CDK5RAP1: variants seen among roughly 807,000 people sequenced by gnomAD.
CDK5RAP1 encodes CDK5RAP1 mitochondrial tRNA methylthiotransferase.
In CDK5RAP1, 62 loss-of-function variants were observed where a neutral mutation model predicts 64.5. The observed-to-expected ratio is 0.96, with a 90% CI of 0.78 to 1.19. The LOEUF is 1.19. Among genes scored for constraint, CDK5RAP1 ranks in the 50% most tolerant of loss-of-function variants. The pLI is 0.00. For synonymous variants in CDK5RAP1, 250 were observed against 261.9 expected (o/e 0.95, Z 0.44); for missense variants, 657 against 735.0 (o/e 0.89, Z 1.23).
chr20:33,372,776 A>C, intron 9 of CDK5RAP1, 79 bp from the exon 10 acceptor site: 2 of 921,500 alleles, frequency 2.2e-6, no homozygotes, highest in East Asian at 4.9e-5. Flanking sequence ...TAACACTATG[A>C]ATTTCCACAT....
chr20:33,370,475 G>C (rs1329740025), intron 11 of CDK5RAP1, 24 bp downstream of exon 11: 3 of 1,613,234 alleles, frequency 1.9e-6, no homozygotes, highest in Non-Finnish European at 2.5e-6. Context: ...AATGATGTCA[G>C]TCCTCCCCAA....
chr20:33,389,090 C>T (rs1330025401), intron 5 of CDK5RAP1, among the ~76,000 whole-genome samples: 2 of 151,664 alleles, frequency 1.3e-5, no homozygotes, highest in East Asian at 3.9e-4. Context: ...CGCCCATCGT[C>T]TGGGATGTGA....
At chr20:33,397,602 C>T (rs1989023463) in intron 1 of CDK5RAP1, among the ~76,000 whole-genome samples, 1 of 152,206 alleles carries the variant, frequency 6.6e-6, no homozygotes, top group African/African-American at 2.4e-5. Flanking sequence ...AAGTGAAAAC[C>T]ACTCACTGTC....
At chr20:33,401,098 T>C (rs1472366877) in intron 1 of CDK5RAP1, among the ~76,000 whole-genome samples, 1 of 152,246 alleles carries the variant, frequency 6.6e-6, no homozygotes, top group Non-Finnish European at 1.5e-5. Context: ...CTGGTTACAA[T>C]GCGTTAGGCA....
chr20:33,364,993 A>G (rs1427618675), intron 12 of CDK5RAP1, among the ~76,000 whole-genome samples: 2 of 151,882 alleles, frequency 1.3e-5, no homozygotes, highest in African/African-American at 4.8e-5. Context: ...GATTCAAGCA[A>G]TCTTCTCACA....
In CDK5RAP1 at chr20:33,385,471, T is replaced by C. The variant is rs1489518010; in HGVS notation, c.876+179A>G. 8.2e-6 allele frequency: 5 copies of C among 607,642 alleles called. No homozygotes were observed. In the African/African-American group the frequency reaches 9.3e-5, roughly 11 times the overall value. The allele number at this position is 607,642 out of a possible 1,614,324, so 37.6% of individuals were successfully genotyped here. On this transcript the variant is annotated intron_variant, in intron 7 of 13. Transcript: ENST00000346416. ...CTCTCCATCCACCATGCTGCCTCCA[T>C]AGTGGAGCTCTGTAATTTGTGGGCA...
At chr20:33,389,610 C>G (rs1316739953) in intron 5 of CDK5RAP1, among the ~76,000 whole-genome samples, 13 of 151,478 alleles carry the variant, frequency 8.6e-5, no homozygotes, top group Non-Finnish European at 1.8e-4. Flanking sequence ...GCCCGGCCAG[C>G]CGCCCCGTCC....
At chr20:33,380,819 G>A (rs187819805) in intron 7 of CDK5RAP1, among the ~76,000 whole-genome samples, 1 of 152,108 alleles carries the variant, frequency 6.6e-6, no homozygotes, top group East Asian at 1.9e-4. Context: ...TGGCTAACAT[G>A]GTGAAATCCC....
intron 5 of CDK5RAP1, among the ~76,000 whole-genome samples, chr20:33,387,994 G>A (rs1335224435): frequency 2.0e-5 from 3 of 151,884 alleles, no homozygotes; most frequent in Admixed American, 1.3e-4. Flanking sequence ...CTTGAACCCA[G>A]GAGGCAGAGG....
At chr20:33,382,995 A>C (rs577226361) in intron 7 of CDK5RAP1, among the ~76,000 whole-genome samples, 24 of 151,776 alleles carry the variant, frequency 1.6e-4, no homozygotes, top group Non-Finnish European at 3.1e-4. Flanking sequence ...AAGCCTGGCC[A>C]ACATGGTGAA....
At chr20:33,387,829 G>A (rs937838500) in intron 5 of CDK5RAP1, among the ~76,000 whole-genome samples, 1 of 152,028 alleles carries the variant, frequency 6.6e-6, no homozygotes, top group Non-Finnish European at 1.5e-5. Context: ...CACTTTGGGG[G>A]GCCGAGGCAG....
intron 5 of CDK5RAP1, among the ~76,000 whole-genome samples, chr20:33,389,353 G>A (rs1255917464): frequency 2.6e-4 from 39 of 150,206 alleles, no homozygotes; most frequent in African/African-American, 8.4e-4. Context: ...CGCGGCAGCC[G>A]CCCCGTCTGA....
chr20:33,382,066 TC>T (rs1283089656), intron 7 of CDK5RAP1, among the ~76,000 whole-genome samples: 7 of 152,164 alleles, frequency 4.6e-5, no homozygotes, highest in Admixed American at 4.6e-4. Context: ...GGTCTTGAAC[TC>T]CTACGCTCAA....
chr20:33,399,597 C>T (rs1469076586), intron 1 of CDK5RAP1, among the ~76,000 whole-genome samples: 3 of 152,240 alleles, frequency 2.0e-5, no homozygotes, highest in Admixed American at 2.0e-4. Flanking sequence ...TGCCTCACGG[C>T]AGGTGCTAAA....
At chr20:33,376,925 C>A (rs1468123681) in intron 8 of CDK5RAP1, among the ~76,000 whole-genome samples, 1 of 152,154 alleles carries the variant, frequency 6.6e-6, no homozygotes, top group African/African-American at 2.4e-5. Context: ...GAGGGGCTCA[C>A]GACTTCAGTG....
intron 8 of CDK5RAP1, among the ~76,000 whole-genome samples, chr20:33,378,578 A>G (rs1038880467): frequency 6.6e-6 from 1 of 152,192 alleles, no homozygotes; most frequent in African/African-American, 2.4e-5. Context: ...TAACTCCATA[A>G]TATCTGCAGA....
intron 5 of CDK5RAP1, among the ~76,000 whole-genome samples, chr20:33,387,836 G>GATTA (rs1987657102): frequency 6.6e-6 from 1 of 152,092 alleles, no homozygotes; most frequent in South Asian, 2.1e-4. Context: ...GGGGGCCGAG[G>GATTA]CAGGCGGATC....
chr20:33,374,836 G>A (rs537566718), intron 8 of CDK5RAP1, among the ~76,000 whole-genome samples: 2 of 151,616 alleles, frequency 1.3e-5, no homozygotes, highest in African/African-American at 4.8e-5. Flanking sequence ...TTACAGGCGT[G>A]AGCCACCACG....
At chr20:33,366,804 G>C (rs1238237186) in intron 12 of CDK5RAP1, 55 bp downstream of exon 12, 2 of 1,522,704 alleles carry the variant, frequency 1.3e-6, no homozygotes, top group South Asian at 1.3e-5. Context: ...AAAAATCAAA[G>C]ATCTAATGTT....
Sources: gnomAD v4.1 joint callset for allele counts (sites outside exome capture counted in the v4.1 genomes callset) on GRCh38, gnomAD v4.1.1 for gene constraint, MANE v1.5 for transcripts, NCBI Gene and HGNC (gene_info 2026-07-23, HGNC 2026-07-21) for gene names.